Variants in SLCO3A1 observed in about 807,000 individuals in gnomAD.
The protein encoded by SLCO3A1 is solute carrier organic anion transporter family member 3A1, also known as PGE1 transporter.
Under a neutral mutation model 63.1 loss-of-function variants are expected in SLCO3A1, and 27 were observed. That is an observed-to-expected ratio of 0.43 (90% CI 0.32 to 0.59). The LOEUF is 0.59. Among genes scored for constraint, SLCO3A1 ranks in the 20% least tolerant of loss-of-function variants. The pLI, the probability that SLCO3A1 is intolerant of heterozygous loss-of-function variation, is 0.09. For synonymous variants in SLCO3A1, 473 were observed against 409.9 expected, an observed-to-expected ratio of 1.15 and a Z score of -1.86; for missense variants, 773 against 945.8, an observed-to-expected ratio of 0.82 and a Z score of 2.40.
At chr15:91,893,409 A>G (rs1183856931) in intron 1 of SLCO3A1, among the ~76,000 whole-genome samples, 5 of 152,212 alleles carry the variant, frequency 3.3e-5, no homozygotes, top group African/African-American at 9.6e-5. Context: ...GGAAAGTCCA[A>G]GATCAAAGTA....
intron 6 of SLCO3A1, 79 bp downstream of exon 6, chr15:92,126,338 C>A: frequency 1.6e-6 from 2 of 1,240,066 alleles, no homozygotes; most frequent in Non-Finnish European, 2.4e-6. Context: ...GTTGAGGGAA[C>A]CAGCTTTGTT....
chr15:92,054,896 G>C (rs1391962352), intron 2 of SLCO3A1, among the ~76,000 whole-genome samples: 4 of 152,114 alleles, frequency 2.6e-5, no homozygotes, highest in Admixed American at 2.6e-4. Flanking sequence ...ATTATGAATA[G>C]TGCTGCAATG....
chr15:92,089,053 T>G (rs951910370), intron 2 of SLCO3A1, among the ~76,000 whole-genome samples: 1 of 151,712 alleles, frequency 6.6e-6, no homozygotes, highest in Non-Finnish European at 1.5e-5. Context: ...TGAGATGGAG[T>G]CTGTCTCTGT....
chr15:91,959,072 C>T (rs774589645), intron 2 of SLCO3A1, among the ~76,000 whole-genome samples: 3 of 152,140 alleles, frequency 2.0e-5, no homozygotes, highest in Non-Finnish European at 2.9e-5. Context: ...ATATACACCA[C>T]GGAATACTAC....
At chr15:92,090,169 A>G (rs540358302) in intron 2 of SLCO3A1, among the ~76,000 whole-genome samples, 2 of 152,298 alleles carry the variant, frequency 1.3e-5, no homozygotes, top group Non-Finnish European at 2.9e-5. Flanking sequence ...TGATTTCCAC[A>G]CTTGGTTTTC....
At chr15:92,159,346 G>T (rs778075245) in intron 9 of SLCO3A1, among the ~76,000 whole-genome samples, 1 of 151,998 alleles carries the variant, frequency 6.6e-6, no homozygotes, top group Non-Finnish European at 1.5e-5. Context: ...TTAGCCGGGC[G>T]TGGTGGCAGG....
rs941370705 is a variant in SLCO3A1, at chr15:91,894,745, T to G, written c.181-21248T>G. ...TTTGAATTTCTAAAAGGCTCTCTGG[T>G]GATGTCAGCTACTCCTGCTGGAGCC... On this transcript the variant is annotated intron_variant, in intron 1 of 9. Coordinates refer to ENST00000318445, the MANE Select transcript of SLCO3A1 (RefSeq NM_013272.4). The surrounding 1 kb of genome is among the most constrained non-coding windows in gnomAD (Gnocchi z 4.8). Among the ~76,000 whole-genome samples the G allele has an allele frequency of 6.6e-6, 1 of 152,208 alleles. No homozygotes were observed. The highest frequency in any genetic ancestry group is 2.4e-5 in the African/African-American group (1 of 41,440).
At chr15:92,085,393 G>T (rs193046418) in intron 2 of SLCO3A1, among the ~76,000 whole-genome samples, 1 of 152,186 alleles carries the variant, frequency 6.6e-6, no homozygotes, top group African/African-American at 2.4e-5. Flanking sequence ...CCAGTTTTGC[G>T]TAGGCATATT....
intron 8 of SLCO3A1, among the ~76,000 whole-genome samples, chr15:92,150,348 C>T (rs2048288558): frequency 6.6e-6 from 1 of 152,172 alleles, no homozygotes; most frequent in African/African-American, 2.4e-5. Context: ...TCTCCTGTGG[C>T]AACACCCTCA....
At chr15:91,999,438 A>C (rs1397565963) in intron 2 of SLCO3A1, among the ~76,000 whole-genome samples, 1 of 152,250 alleles carries the variant, frequency 6.6e-6, no homozygotes, top group Non-Finnish European at 1.5e-5. Flanking sequence ...GGTATAAAAT[A>C]GGAAGAGGGA....
At chr15:92,089,188 G>A (rs528098900) in intron 2 of SLCO3A1, among the ~76,000 whole-genome samples, 3 of 151,932 alleles carry the variant, frequency 2.0e-5, no homozygotes, top group Non-Finnish European at 4.4e-5. Flanking sequence ...CACTACGCCC[G>A]GCTAATTTTT....
intron 1 of SLCO3A1, among the ~76,000 whole-genome samples, chr15:91,906,154 C>T (rs1008627770): frequency 7.2e-5 from 11 of 152,164 alleles, no homozygotes; most frequent in Admixed American, 2.6e-4. Flanking sequence ...ATACGTAAAG[C>T]GCTCCATACT....
At chr15:91,974,341 A>G (rs1029387470) in intron 2 of SLCO3A1, among the ~76,000 whole-genome samples, 9 of 151,530 alleles carry the variant, frequency 5.9e-5, no homozygotes, top group African/African-American at 2.2e-4. Context: ...TCCTGGGGGA[A>G]CTTGCAGTTT....
intron 7 of SLCO3A1, among the ~76,000 whole-genome samples, chr15:92,141,582 C>T (rs1286787993): frequency 6.6e-6 from 1 of 152,184 alleles, no homozygotes; most frequent in Non-Finnish European, 1.5e-5. Context: ...TAGGGCTTCC[C>T]ATGTAGGTGC....
chr15:91,903,461 G>A (rs1226572482), intron 1 of SLCO3A1, among the ~76,000 whole-genome samples: 2 of 152,198 alleles, frequency 1.3e-5, no homozygotes, highest in Admixed American at 6.5e-5. Flanking sequence ...ACAGTGTGGC[G>A]AGGATGCTGA....
At chr15:91,979,077 C>T (rs1901231854) in intron 2 of SLCO3A1, among the ~76,000 whole-genome samples, 1 of 152,076 alleles carries the variant, frequency 6.6e-6, no homozygotes, top group Admixed American at 6.5e-5. Flanking sequence ...GATACAGGTA[C>T]CTCATTTGCA....
intron 2 of SLCO3A1, among the ~76,000 whole-genome samples, chr15:92,047,013 A>T (rs1484362844): frequency 1.3e-5 from 1 of 78,228 alleles, no homozygotes; most frequent in South Asian, 3.3e-4. Flanking sequence ...ATATAAATAT[A>T]TATATAATAT....
At position 92,073,338 on chromosome 15, in the gene SLCO3A1, G is replaced by T. The variant is rs184478171; in HGVS notation, c.647-21543G>T. On this transcript the variant is annotated intron_variant, in intron 2 of 9. Transcript: ENST00000318445. Reference sequence around the variant, plus strand: ...TCCTCATCCCACGACATTCTACCCCGTGGAAAAGGTGTTGAGATGTTATGG... The same window carrying T: ...TCCTCATCCCACGACATTCTACCCCTTGGAAAAGGTGTTGAGATGTTATGG... 2.7e-4 allele frequency among the ~76,000 whole-genome samples: 41 copies of T among 152,278 alleles called. 1 individual carries two copies. In the Middle Eastern group the frequency reaches 0.02, roughly 76 times the overall value.
chr15:91,982,612 C>T (rs139407477), intron 2 of SLCO3A1, among the ~76,000 whole-genome samples: 2 of 152,348 alleles, frequency 1.3e-5, no homozygotes, highest in African/African-American at 4.8e-5. Flanking sequence ...TTGCCACGGG[C>T]TCCCTCTATA....
Sources: allele counts gnomAD v4.1 joint callset (sites outside exome capture counted in the v4.1 genomes callset), GRCh38; gene constraint gnomAD v4.1.1; non-coding constraint Gnocchi (gnomAD v3.1); transcripts MANE v1.5; gene names NCBI Gene and HGNC (gene_info 2026-07-23, HGNC 2026-07-21).